GALNT9: variants seen among roughly 807,000 people sequenced by gnomAD.
GALNT9 encodes the protein GalNAc transferase 9.
A neutral mutation model predicts 63.1 loss-of-function variants in GALNT9; 47 were observed. The ratio of observed to expected loss-of-function variants is 0.75; its 90% confidence interval spans 0.59 to 0.95. GALNT9 has a LOEUF of 0.95. Among genes scored for constraint, GALNT9 ranks in the 40% least tolerant of loss-of-function variants. The probability of loss-of-function intolerance (pLI) is 0.00; values close to 1 mark genes in which losing one functional copy is unlikely to be tolerated. For synonymous variants in GALNT9, 396 were observed against 365.7 expected, an observed-to-expected ratio of 1.08 and a Z score of -0.94; for missense variants, 829 against 874.8, an observed-to-expected ratio of 0.95 and a Z score of 0.66.
intron 1 of GALNT9, among the ~76,000 whole-genome samples, chr12:132,297,880 G>A (rs1388959676): frequency 1.3e-5 from 2 of 150,828 alleles, no homozygotes; most frequent in Admixed American, 6.6e-5. Context: ...ACTCACTCCC[G>A]AGATAACCAA....
At chr12:132,209,331 C>G (rs148767144) in intron 6 of GALNT9, among the ~76,000 whole-genome samples, 2,718 of 151,954 alleles carry the variant, frequency 0.018, 89 homozygotes, top group African/African-American at 0.063. Flanking sequence ...TCGTGACCAT[C>G]CTGGCCAACA....
intron 1 of GALNT9, among the ~76,000 whole-genome samples, chr12:132,303,244 C>T (rs983683975): frequency 6.6e-6 from 1 of 151,936 alleles, no homozygotes; most frequent in Non-Finnish European, 1.5e-5. Flanking sequence ...GATTCGTCAC[C>T]AGGAGAGAGG....
At chr12:132,313,782 ACATCCACCCATCCACCCACCCATCCACC>A (rs1390128625) in intron 1 of GALNT9, among the ~76,000 whole-genome samples, 2 of 49,862 alleles carry the variant, frequency 4.0e-5, no homozygotes, top group Non-Finnish European at 8.2e-5. Flanking sequence ...ATCCATCCAT[ACATCCACCCATCCACCCACCCATCCACC>A]CATCCACCCA....
chr12:132,197,180 A>G lies in GALNT9; in HGVS notation c.1739T>C (p.Leu580Pro). Residue 580 changes from leucine (L) to proline (P), a missense_variant, in exon 11 of 11, where the codon CTC becomes CCC. By Grantham distance (98) the Leu-to-Pro change is moderately conservative. Transcript: ENST00000328957. ...VEMSKDANFG[L>P]RLVVQRCSGQ... ...CGAGCACCTCTGTACCACCAGCCGG[A>G]GCCCAAAGTTGGCATCTTTGGACAT... is the stretch of plus-strand genomic sequence containing the variant. The G allele has an allele frequency of 6.2e-7, 1 of 1,614,084 alleles. No homozygotes were observed. Among genetic ancestry groups the G allele is most frequent in the Non-Finnish European group, 8.5e-7 (1 of 1,180,014 alleles).
chr12:132,197,655 A>C, intron 10 of GALNT9, 137 bp downstream of exon 10: 1 of 677,882 alleles, frequency 1.5e-6, no homozygotes, highest in South Asian at 1.8e-5. Context: ...CAGCTGATCC[A>C]AGGCCCGGTC....
chr12:132,237,201 G>A (rs1251934142), intron 6 of GALNT9, among the ~76,000 whole-genome samples: 2 of 152,060 alleles, frequency 1.3e-5, no homozygotes, highest in Middle Eastern at 3.2e-3. Context: ...CCTTCACGTG[G>A]AGCTCCTGTA....
intron 1 of GALNT9, among the ~76,000 whole-genome samples, chr12:132,295,729 C>CAGGGAGAGCCTCCAAA (rs1250631779): frequency 1.3e-5 from 2 of 152,358 alleles, no homozygotes; most frequent in South Asian, 2.1e-4. Context: ...GGCCTCCAAA[C>CAGGGAGAGCCTCCAAA]AGGGAGAGCC....
At position 132,319,404 on chromosome 12, in the gene GALNT9, G is replaced by A. The variant is rs547770133; in HGVS notation, c.238+9562C>T. 6.6e-6 allele frequency among the ~76,000 whole-genome samples: 1 copy of A among 152,098 alleles called. No homozygotes were observed. Among genetic ancestry groups the A allele is most frequent in the Non-Finnish European group, 1.5e-5 (1 of 68,010 alleles). On this transcript the variant is annotated intron_variant, in intron 1 of 10. Coordinates refer to ENST00000328957, the MANE Select transcript of GALNT9 (RefSeq NM_001122636.2). The surrounding 1 kb of genome is among the most constrained non-coding windows in gnomAD (Gnocchi z 5.2). ...ACATCGGGTGGAGCTGCCAGGTCTC[G>A]GGCCTTTGGAGTAGAAGTTATGCCG... is the stretch of plus-strand genomic sequence containing the variant.
chr12:132,268,776 G>A (rs1426551169), intron 2 of GALNT9, among the ~76,000 whole-genome samples: 3 of 152,280 alleles, frequency 2.0e-5, no homozygotes, highest in Non-Finnish European at 2.9e-5. Context: ...AAGCACGTGC[G>A]CAGGTGCCCC....
In GALNT9 at chr12:132,238,687, C is replaced by G. The variant is rs1241230807; in HGVS notation, c.1077+9223G>C. ...GCGTGGCCCTGGGCAGGTCACTCAG[C>G]CTCTCTGGGCCTCAGCTCCTCCCCA... On this transcript the variant is annotated intron_variant, in intron 6 of 10. Transcript: ENST00000328957. This position sits in a 1 kb window ranked among gnomAD's most constrained non-coding sequence, Gnocchi z 6.5. Among the ~76,000 whole-genome samples, 1 of 152,084 alleles carries G rather than the reference C, an allele frequency of 6.6e-6. No homozygotes were observed. The highest frequency in any genetic ancestry group is 1.5e-5 in the Non-Finnish European group (1 of 67,984).
Position 132,246,025 on chromosome 12 carries a change from T to C in GALNT9, c.1077+1885A>G, listed in dbSNP as rs545050887. Among the ~76,000 whole-genome samples, 2 of 152,342 alleles carry C rather than the reference T, an allele frequency of 1.3e-5. No homozygotes were observed. The highest frequency in any genetic ancestry group is 6.5e-5 in the Admixed American group (1 of 15,304). ...GTCTCTGCGGTGCGTTCCATCCCTC[T>C]GAGGGCCTCGGCTTTCTTAGGCCCC... On this transcript the variant is annotated intron_variant, in intron 6 of 10. Transcript: ENST00000328957. The surrounding 1 kb of genome is among the most constrained non-coding windows in gnomAD (Gnocchi z 4.7).
rs781951494 is a variant in GALNT9, at chr12:132,247,872, G to A, written c.1077+38C>T. The A allele has an allele frequency of 2.1e-5, 32 of 1,550,022 alleles. 1 individual carries two copies. In the South Asian group the frequency reaches 2.4e-4, roughly 12 times the overall value. On this transcript the variant is annotated intron_variant, in intron 6 of 10. Coordinates refer to ENST00000328957, the MANE Select transcript of GALNT9 (RefSeq NM_001122636.2). ...GTTCCCAGACGCTGTGGCCTCACTC[G>A]CCCTCACCCTGTCCCTGGACACCGG...
intron 8 of GALNT9, among the ~76,000 whole-genome samples, chr12:132,200,161 C>A (rs1306762548): frequency 6.6e-6 from 1 of 152,166 alleles, no homozygotes; most frequent in Non-Finnish European, 1.5e-5. Context: ...GCAGGGTGGA[C>A]CAGGAGCTGC....
rs1244921510 is a variant in GALNT9 at position 132,257,808 on chromosome 12, G to A, written c.840C>T (p.Ser280=). The A allele has an allele frequency of 6.5e-6, 10 of 1,550,292 alleles. No individual in the cohort carries two copies. The highest frequency in any genetic ancestry group is 8.7e-6 in the Non-Finnish European group (10 of 1,146,868). ...TCGCATACTGCTGCACCTCAAACGT[G>A]CTGTACTTGATGTTGTCGATGGCTG... ...VLPAIDNIKY[S]TFEVQQYANA... The change falls in exon 5 of 11, where the codon AGC becomes AGT. Residue 280 remains serine (S), a synonymous_variant. Coordinates refer to ENST00000328957, the MANE Select transcript of GALNT9 (RefSeq NM_001122636.2).
rs549101156 is a variant in GALNT9, at chr12:132,199,159, C to T, written c.1497+15G>A. The T allele has an allele frequency of 2.1e-5, 33 of 1,559,724 alleles. No homozygotes were observed. The Admixed American group carries it at 2.2e-4, about 10-fold the overall frequency. Reference sequence around the variant, plus strand: ...TCCCCTTGGGAGCTGCATGGGTGGCCGCTGCTACTCCTACCTGGGAGGACA... The same window carrying T: ...TCCCCTTGGGAGCTGCATGGGTGGCTGCTGCTACTCCTACCTGGGAGGACA... On this transcript the variant is annotated intron_variant, in intron 9 of 10. Coordinates refer to ENST00000328957, the MANE Select transcript of GALNT9 (RefSeq NM_001122636.2).
At chr12:132,284,062 A>C (rs1017411447) in intron 2 of GALNT9, 1 of 151,522 alleles carries the variant, frequency 6.6e-6, no homozygotes, top group Admixed American at 6.6e-5. Flanking sequence ...GCGTTCAAAA[A>C]CCACACACAC....
chr12:132,199,273 C>A lies in GALNT9; in HGVS notation c.1402-4G>T, dbSNP rs1273150386. On this transcript the variant is annotated splice_region_variant and splice_polypyrimidine_tract_variant and intron_variant, in intron 8 of 10. Coordinates refer to ENST00000328957, the MANE Select transcript of GALNT9 (RefSeq NM_001122636.2). The stretch of plus-strand genomic sequence containing the variant: ...CACTGGCTTTGCTGTTTCTCACCTG[C>A]AAGCAGAAGCCCCAGGAGAAAGTCC... The A allele has an allele frequency of 3.1e-6, 5 of 1,595,256 alleles. No individual in the cohort carries two copies. The highest frequency in any genetic ancestry group is 4.3e-6 in the Non-Finnish European group (5 of 1,172,010).
intron 5 of GALNT9, among the ~76,000 whole-genome samples, chr12:132,254,443 C>T (rs1314076272): frequency 6.6e-6 from 1 of 152,214 alleles, no homozygotes; most frequent in East Asian, 1.9e-4. Context: ...TTTTCTCTCG[C>T]CTATTACTCC....
At chr12:132,210,700 T>A (rs1483451382) in intron 6 of GALNT9, among the ~76,000 whole-genome samples, 1 of 152,152 alleles carries the variant, frequency 6.6e-6, no homozygotes, top group African/African-American at 2.4e-5. Flanking sequence ...TCAGGGAAGC[T>A]GACCATCTTA....
Sources: gnomAD v4.1 joint callset for allele counts (sites outside exome capture counted in the v4.1 genomes callset) on GRCh38, gnomAD v4.1.1 for gene constraint, Gnocchi (gnomAD v3.1) non-coding constraint, MANE v1.5 for transcripts, NCBI Gene and HGNC (gene_info 2026-07-23, HGNC 2026-07-21) for gene names.